MED12L: variants seen among roughly 807,000 people sequenced by gnomAD.
The protein encoded by MED12L is mediator of RNA polymerase II transcription subunit 12-like protein.
A neutral mutation model predicts 281.3 loss-of-function variants in MED12L; 60 were observed. The observed-to-expected ratio is 0.21, with a 90% CI of 0.17 to 0.26. The LOEUF (loss-of-function observed/expected upper bound fraction) is 0.26, where lower values mean the gene tolerates loss of function less well. Ranked by LOEUF, MED12L falls within the 10% of genes least tolerant of loss-of-function variation. MED12L has a pLI of 1.00. For synonymous variants in MED12L, 974 were observed against 987.2 expected (o/e 0.99, Z 0.25); for missense variants, 2,146 against 2,680.9 (o/e 0.80, Z 4.41).
chr3:151,338,016 A>T (rs765458528), intron 16 of MED12L: 2 of 1,614,122 alleles, frequency 1.2e-6, no homozygotes, highest in South Asian at 2.2e-5. Context: ...TTTCACATAG[A>T]ACAGAGTATT....
chr3:151,351,418 T>G, intron 17 of MED12L, among the ~76,000 whole-genome samples: 1 of 152,194 alleles, frequency 6.6e-6, no homozygotes, highest in East Asian at 1.9e-4. Context: ...CATTCCCAGT[T>G]AAGGGCTTTG....
At chr3:151,339,768 T>C (rs1751561773) in intron 16 of MED12L, among the ~76,000 whole-genome samples, 1 of 137,160 alleles carries the variant, frequency 7.3e-6, no homozygotes, top group Admixed American at 7.8e-5. Context: ...ATATAGGTTA[T>C]TACCACAATA....
At chr3:151,151,460 A>G (rs1428211329) in intron 5 of MED12L, among the ~76,000 whole-genome samples, 1 of 151,778 alleles carries the variant, frequency 6.6e-6, no homozygotes, top group Non-Finnish European at 1.5e-5. Context: ...GCTGAGCTTA[A>G]TCATTTCTAG....
chr3:151,224,347 A>G (rs1292358428), intron 16 of MED12L, among the ~76,000 whole-genome samples: 4 of 152,164 alleles, frequency 2.6e-5, no homozygotes, highest in East Asian at 1.9e-4. Context: ...TTCTGTATCA[A>G]TAGAAAATAG....
intron 16 of MED12L, among the ~76,000 whole-genome samples, chr3:151,343,226 A>G (rs2149973486): frequency 6.6e-6 from 1 of 152,312 alleles, no homozygotes; most frequent in South Asian, 2.1e-4. Context: ...AAGACCATCA[A>G]ATGAAACAAG....
chr3:151,158,114 C>T (rs536470969), intron 6 of MED12L, among the ~76,000 whole-genome samples: 1 of 152,232 alleles, frequency 6.6e-6, no homozygotes, highest in East Asian at 1.9e-4. Flanking sequence ...GGGGGTATTA[C>T]TGTTTTTTAT....
rs890859214 is a variant in MED12L at position 151,194,371 on chromosome 3, G to A, written c.2250+705G>A. 3.3e-5 allele frequency among the ~76,000 whole-genome samples: 5 copies of A among 152,138 alleles called. No homozygotes were observed. The East Asian group carries it at 5.8e-4, about 18-fold the overall frequency. On this transcript the variant is annotated intron_variant, in intron 16 of 44. Coordinates refer to ENST00000687756, the MANE Select transcript of MED12L (RefSeq NM_001393769.1). ...AAGAGTTTTGAGGCATAGGAAAGAC[G>A]GGAGACAAATGTCAGCAAGAATTTT...
At chr3:151,157,858 C>A (rs1355570659) in intron 6 of MED12L, among the ~76,000 whole-genome samples, 9 of 152,130 alleles carry the variant, frequency 5.9e-5, no homozygotes, top group Non-Finnish European at 1.2e-4. Flanking sequence ...ACCAGAATGA[C>A]CATAAAAGTA....
At chr3:151,234,076 T>C (rs541631746) in intron 16 of MED12L, among the ~76,000 whole-genome samples, 1 of 152,224 alleles carries the variant, frequency 6.6e-6, no homozygotes, top group African/African-American at 2.4e-5. Flanking sequence ...ATTTTAACTT[T>C]TAGGTGTATG....
intron 16 of MED12L, among the ~76,000 whole-genome samples, chr3:151,297,774 G>T (rs1745303311): frequency 6.6e-6 from 1 of 151,974 alleles, no homozygotes; most frequent in African/African-American, 2.4e-5. Context: ...ATTAAATGAT[G>T]ATATTGATGA....
intron 16 of MED12L, among the ~76,000 whole-genome samples, chr3:151,215,540 C>T (rs1311185602): frequency 1.3e-5 from 2 of 152,150 alleles, no homozygotes; most frequent in Non-Finnish European, 2.9e-5. Flanking sequence ...GGTTTTATTG[C>T]ACAGTGCTGT....
At chr3:151,228,544 C>A (rs750203035) in intron 16 of MED12L, among the ~76,000 whole-genome samples, 4 of 152,162 alleles carry the variant, frequency 2.6e-5, no homozygotes, top group Non-Finnish European at 4.4e-5. Context: ...TTGCAGAGTG[C>A]TCTGAGCTTC....
chr3:151,301,435 T>C (rs1263770978), intron 16 of MED12L, among the ~76,000 whole-genome samples: 2 of 152,138 alleles, frequency 1.3e-5, no homozygotes, highest in African/African-American at 4.8e-5. Context: ...TCACTGACAG[T>C]TGCAGTAAGA....
chr3:151,191,313 C>T (rs1290352923), intron 14 of MED12L, among the ~76,000 whole-genome samples: 2 of 152,124 alleles, frequency 1.3e-5, no homozygotes, highest in African/African-American at 2.4e-5. Flanking sequence ...TCGTCTTTTC[C>T]CTAATGTATC....
intron 5 of MED12L, among the ~76,000 whole-genome samples, chr3:151,146,577 C>G (rs1717790632): frequency 6.6e-6 from 1 of 152,092 alleles, no homozygotes; most frequent in South Asian, 2.1e-4. Flanking sequence ...TACTTGATCC[C>G]TAAGTAATAG....
chr3:151,321,094 A>G (rs142953747), intron 16 of MED12L, among the ~76,000 whole-genome samples: 347 of 152,316 alleles, frequency 2.3e-3, no homozygotes, highest in Non-Finnish European at 3.9e-3. Flanking sequence ...TGTCTGATGC[A>G]TGGTGGAGTT....
chr3:151,099,872 A>C (rs914510829), intron 2 of MED12L, among the ~76,000 whole-genome samples: 1 of 152,182 alleles, frequency 6.6e-6, no homozygotes, highest in Non-Finnish European at 1.5e-5. Context: ...TTACCTGTTG[A>C]GAGTGTGCAA....
chr3:151,185,857 A>G (rs1003714533), intron 12 of MED12L, among the ~76,000 whole-genome samples: 3 of 152,158 alleles, frequency 2.0e-5, no homozygotes, highest in African/African-American at 7.2e-5. Flanking sequence ...AAGTAAATAA[A>G]TAAAAGATAA....
At chr3:151,260,026 A>G (rs1351580428) in intron 16 of MED12L, among the ~76,000 whole-genome samples, 1 of 151,902 alleles carries the variant, frequency 6.6e-6, no homozygotes, top group African/African-American at 2.4e-5. Flanking sequence ...AGCTCGGGTT[A>G]TTTTGTATTT....
Sources: gnomAD v4.1 joint callset for allele counts (sites outside exome capture counted in the v4.1 genomes callset) on GRCh38, gnomAD v4.1.1 for gene constraint, MANE v1.5 for transcripts, NCBI Gene and HGNC (gene_info 2026-07-23, HGNC 2026-07-21) for gene names.